CYP27A1: variants seen among roughly 807,000 people sequenced by gnomAD.
CYP27A1 encodes sterol 26-hydroxylase, mitochondrial.
A neutral mutation model predicts 58.2 loss-of-function variants in CYP27A1; 46 were observed. The observed-to-expected ratio is 0.79, with a 90% CI of 0.62 to 1.01. The LOEUF is 1.01. CYP27A1 is among the 50% of genes least tolerant of loss of function. The pLI, the probability that CYP27A1 is intolerant of heterozygous loss-of-function variation, is 0.00. For missense variants in CYP27A1, 704 were observed against 687.0 expected, an observed-to-expected ratio of 1.02 and a Z score of -0.28; for synonymous variants, 274 against 285.1, an observed-to-expected ratio of 0.96 and a Z score of 0.39.
Position 218,814,455 on chromosome 2 carries a change from G to C in CYP27A1, c.1260G>C (p.Lys420Asn). The C allele has an allele frequency of 6.2e-7, 1 of 1,614,210 alleles. No individual in the cohort carries two copies. Among genetic ancestry groups the C allele is most frequent in the Non-Finnish European group, 8.5e-7 (1 of 1,179,992 alleles). Residue 420 changes from lysine (K) to asparagine (N), a missense_variant, in exon 7 of 9, where the codon AAG (lysine) becomes AAC (asparagine). Physicochemically the swap from Lys to Asn is moderately conservative, Grantham distance 94 (BLOSUM62 0). Transcript: ENST00000258415. ...EIEVDGFLFP[K>N]NTQFVFCHYV... ...AAGTTGATGGCTTCCTCTTCCCCAA[G>C]AACGTGAGTGGGGCTAGAGAGCCCG...
At chr2:218,788,653 C>T (rs1428144054) in intron 1 of CYP27A1, among the ~76,000 whole-genome samples, 1 of 152,150 alleles carries the variant, frequency 6.6e-6, no homozygotes, top group African/African-American at 2.4e-5. Context: ...TGGAGAAACC[C>T]TTTTGAATAT....
chr2:218,805,530 C>T (rs984176285), intron 1 of CYP27A1, among the ~76,000 whole-genome samples: 1 of 152,194 alleles, frequency 6.6e-6, no homozygotes. Context: ...ATCAAATTCT[C>T]AACTGTCTGG....
At chr2:218,792,595 G>A (rs776944885) in intron 1 of CYP27A1, among the ~76,000 whole-genome samples, 5 of 151,930 alleles carry the variant, frequency 3.3e-5, no homozygotes, top group South Asian at 2.1e-4. Flanking sequence ...AGGATTTTGC[G>A]TGTTTGTGAA....
chr2:218,809,442 CTTTTTTTT>C (rs57956133), intron 1 of CYP27A1, 127 bp from the exon 2 acceptor site: 20 of 370,436 alleles, frequency 5.4e-5, no homozygotes, highest in East Asian at 6.8e-5. Flanking sequence ...ACACAATGCC[CTTTTTTTT>C]TTTTTTTTTT....
intron 1 of CYP27A1, among the ~76,000 whole-genome samples, chr2:218,797,866 A>C (rs1432315696): frequency 2.0e-5 from 3 of 152,236 alleles, no homozygotes; most frequent in Non-Finnish European, 4.4e-5. Context: ...TTTGGAATTT[A>C]GTCAATATGT....
intron 1 of CYP27A1, among the ~76,000 whole-genome samples, chr2:218,800,509 C>T (rs966919149): frequency 4.5e-4 from 69 of 152,154 alleles, no homozygotes; most frequent in African/African-American, 1.2e-3. Context: ...AAAAAAATCA[C>T]ATAAATATGA....
rs886656814 is a variant in CYP27A1, at chr2:218,814,949, G to C, written c.1515G>C (p.Thr505=). Residue 505 remains threonine, a synonymous_variant, in exon 9 of 9, where the codon ACG becomes ACC. Transcript: ENST00000258415. ...QKYKVVLAPE[T]GELKSVARIV... ...ACAAGGTGGTCCTGGCCCCGGAGACGGGGGAGTTGAAGAGTGTGGCCCGCA... is the reference window on the plus strand; with the variant it reads ...ACAAGGTGGTCCTGGCCCCGGAGACCGGGGAGTTGAAGAGTGTGGCCCGCA... The C allele has an allele frequency of 2.5e-6, 4 of 1,614,204 alleles. No individual in the cohort carries two copies. Among genetic ancestry groups the C allele is most frequent in the East Asian group, 2.2e-5 (1 of 44,874 alleles).
chr2:218,804,689 C>T (rs1021492469), intron 1 of CYP27A1, among the ~76,000 whole-genome samples: 5 of 152,164 alleles, frequency 3.3e-5, no homozygotes, highest in African/African-American at 9.7e-5. Context: ...TGACTTTCCA[C>T]TTATTTAGGT....
At chr2:218,811,774 C>G (rs970491325) in intron 2 of CYP27A1, among the ~76,000 whole-genome samples, 1 of 152,214 alleles carries the variant, frequency 6.6e-6, no homozygotes, top group African/African-American at 2.4e-5. Flanking sequence ...GATTCCAGAG[C>G]TGTATAATTC....
rs376230356 is a variant in CYP27A1, at chr2:218,809,701, G to A, written c.380G>A (p.Arg127Gln). 1.9e-5 allele frequency: 31 copies of A among 1,614,014 alleles called. No individual in the cohort carries two copies. The highest frequency in any genetic ancestry group is 2.7e-5 in the African/African-American group (2 of 74,890). ...CGGCAAGAGGGCAAGTACCCAGTAC[G>A]GAACGACATGGAGCTATGGAAGGAG... ...VMRQEGKYPVRNDMELWKEHR... is the reference protein window; with the variant it reads ...VMRQEGKYPVQNDMELWKEHR... Residue 127 changes from arginine (R) to glutamine (Q), a missense_variant, in exon 2 of 9, where the codon CGG becomes CAG. Transcript: ENST00000258415.
intron 2 of CYP27A1, among the ~76,000 whole-genome samples, chr2:218,811,744 C>CCCTTATTTGACATATGGAAGATT (rs1943717961): frequency 6.6e-6 from 1 of 152,206 alleles, no homozygotes; most frequent in Non-Finnish European, 1.5e-5. Context: ...CTGCAGCTCC[C>CCCTTATTTGACATATGGAAGATT]CCTTATTTGA....
intron 2 of CYP27A1, among the ~76,000 whole-genome samples, chr2:218,811,758 A>G (rs1559392137): frequency 6.6e-6 from 1 of 152,214 alleles, no homozygotes; most frequent in East Asian, 1.9e-4. Context: ...TATTTGACAT[A>G]TGGAAGATTC....
chr2:218,803,569 A>C (rs541579277), intron 1 of CYP27A1, among the ~76,000 whole-genome samples: 3 of 151,944 alleles, frequency 2.0e-5, no homozygotes, highest in Admixed American at 6.6e-5. Flanking sequence ...GACTACAGGC[A>C]CACGCCACCA....
rs1943398664 is a variant in CYP27A1, at chr2:218,782,250, A to G, written c.68A>G (p.His23Arg). 6.4e-7 allele frequency: 1 copy of G among 1,553,344 alleles called. No homozygotes were observed. Residue 23 changes from histidine to arginine, a missense_variant, in exon 1 of 9, where the codon CAC becomes CGC. Physicochemically the swap from His to Arg is conservative, Grantham distance 29 (BLOSUM62 0). Transcript: ENST00000258415. This position sits in a 1 kb window ranked among gnomAD's most constrained non-coding sequence, Gnocchi z 4.1. The stretch of plus-strand genomic sequence containing the variant: ...GGGGCCGGCCGTGGCCTCTGCCCCC[A>G]CGGGGCCAGAGCCAAGGCCGCGATC... ...LRGAGRGLCPHGARAKAAIPA... is the reference protein window; with the variant it reads ...LRGAGRGLCPRGARAKAAIPA...
At chr2:218,805,147 G>C (rs1356399733) in intron 1 of CYP27A1, among the ~76,000 whole-genome samples, 2 of 152,194 alleles carry the variant, frequency 1.3e-5, no homozygotes, top group Admixed American at 1.3e-4. Flanking sequence ...CAGACATTCA[G>C]TCCAAAACAG....
At chr2:218,803,719 C>T (rs968493953) in intron 1 of CYP27A1, among the ~76,000 whole-genome samples, 14 of 124,502 alleles carry the variant, frequency 1.1e-4, no homozygotes, top group East Asian at 2.2e-4. Context: ...ACCGTGCCCC[C>T]GTCTTTTTTT....
Position 218,815,194 on chromosome 2 carries a change from C to A in CYP27A1, c.*164C>A. 1.4e-6 allele frequency: 1 copy of A among 737,360 alleles called. No homozygotes were observed. Among genetic ancestry groups the A allele is most frequent in the Non-Finnish European group, 2.3e-6 (1 of 438,586 alleles). 45.7% of individuals were successfully genotyped at this position (737,360 alleles called of 1,614,324 possible). A position where few individuals can be genotyped will look rare whatever the true frequency, so the allele number is the denominator to read the frequency against. ...CACCCTGAGCTTTTGCCACTTCTAT[C>A]ATTTTTGAGCAACTCCCTCTCAGCT... On this transcript the variant is annotated 3_prime_UTR_variant, in exon 9 of 9. Transcript: ENST00000258415.
In CYP27A1 at chr2:218,812,256, C is replaced by G. The variant is rs759338714; in HGVS notation, c.481C>G (p.Leu161Val). 6.2e-7 allele frequency: 1 copy of G among 1,614,192 alleles called. No individual in the cohort carries two copies. The highest frequency in any genetic ancestry group is 8.5e-7 in the Non-Finnish European group (1 of 1,180,048). The change falls in exon 3 of 9, where the codon CTG becomes GTG. Residue 161 changes from leucine to valine, a missense_variant. Physicochemically the swap from Leu to Val is conservative, Grantham distance 32. Transcript: ENST00000258415. ...CCACTGGTACCAGCTGCGCCAGGCT[C>G]TGAACCAGCGGTTGCTGAAGCCAGC... ...GHHWYQLRQA[L>V]NQRLLKPAEA...
At chr2:218,783,192 G>A (rs1477759712) in intron 1 of CYP27A1, among the ~76,000 whole-genome samples, 1 of 150,794 alleles carries the variant, frequency 6.6e-6, no homozygotes, top group East Asian at 1.9e-4. Flanking sequence ...GGGAGGTAGA[G>A]GTTGTGGTGA....
Sources: gnomAD v4.1 joint callset for allele counts (sites outside exome capture counted in the v4.1 genomes callset) on GRCh38, gnomAD v4.1.1 for gene constraint, Gnocchi (gnomAD v3.1) non-coding constraint, MANE v1.5 for transcripts, NCBI Gene and HGNC (gene_info 2026-07-23, HGNC 2026-07-21) for gene names.